ATP2C2: variants seen among roughly 807,000 people sequenced by gnomAD.
ATP2C2 encodes calcium-transporting ATPase type 2C member 2.
In ATP2C2, 171 loss-of-function variants were observed where a neutral mutation model predicts 110.8. The observed-to-expected ratio is 1.54, with a 90% CI of 1.36 to 1.75. ATP2C2 has a LOEUF of 1.75. ATP2C2 is among the 40% of genes most tolerant of loss of function. The pLI is 0.00. For missense variants in ATP2C2, 1,963 were observed against 1,235.0 expected (o/e 1.59, Z -8.84); for synonymous variants, 804 against 508.4 (o/e 1.58, Z -7.82).
intron 10 of ATP2C2, among the ~76,000 whole-genome samples, chr16:84,424,774 A>T (rs781322266): frequency 3.3e-5 from 5 of 152,076 alleles, no homozygotes; most frequent in Non-Finnish European, 5.9e-5. Flanking sequence ...GGCCGTTTTC[A>T]AGCTACTAAT....
rs1333723052 is a variant in ATP2C2, at chr16:84,425,755, T to C, written c.940T>C (p.Trp314Arg). The C allele has an allele frequency of 4.3e-6, 7 of 1,614,176 alleles. No homozygotes were observed. Among genetic ancestry groups the C allele is most frequent in the Admixed American group, 3.3e-5 (2 of 60,020 alleles). Residue 314 changes from tryptophan to arginine, a missense_variant, in exon 11 of 27, where the codon TGG (tryptophan) becomes CGG (arginine). Coordinates refer to ENST00000262429, the MANE Select transcript of ATP2C2 (RefSeq NM_014861.4). ...CCCAGGTCTCATCATGCTCATTGGC[T>C]GGTCGCAAGGGAAACAACTCCTGAG... ...GIIGLIMLIG[W>R]SQGKQLLSMF...
chr16:84,425,473 G>A (rs1294110561), intron 10 of ATP2C2, among the ~76,000 whole-genome samples: 1 of 152,192 alleles, frequency 6.6e-6, no homozygotes, highest in Non-Finnish European at 1.5e-5. Flanking sequence ...GTAAATGCTT[G>A]CGAACAGTCC....
At chr16:84,390,795 TA>T (rs1339946760) in intron 1 of ATP2C2, among the ~76,000 whole-genome samples, 1 of 152,024 alleles carries the variant, frequency 6.6e-6, no homozygotes, top group African/African-American at 2.4e-5. Flanking sequence ...TTTCATCTTA[TA>T]AAAAGCTTTA....
At chr16:84,383,315 T>A (rs1567685943) in intron 1 of ATP2C2, among the ~76,000 whole-genome samples, 4 of 152,190 alleles carry the variant, frequency 2.6e-5, no homozygotes, top group Admixed American at 2.0e-4. Context: ...TGCCGTGACC[T>A]TGGGCAAAGC....
At chr16:84,379,302 G>A (rs1910436637) in intron 1 of ATP2C2, among the ~76,000 whole-genome samples, 1 of 151,868 alleles carries the variant, frequency 6.6e-6, no homozygotes, top group South Asian at 2.1e-4. Flanking sequence ...CCCACCTCCC[G>A]AATAGCTGGG....
rs753995850 is a variant in ATP2C2, at chr16:84,405,095, A to G, written c.211-33A>G. 8.2e-6 allele frequency: 13 copies of G among 1,577,704 alleles called. No individual in the cohort carries two copies. In the South Asian group the frequency reaches 1.0e-4, roughly 12 times the overall value. Reference sequence around the variant, plus strand: ...TGTTGCCTCATTCCTTGCTGCGCCCATGAGTGAGCTTGTGCCTGACCTCTC... The same window carrying G: ...TGTTGCCTCATTCCTTGCTGCGCCCGTGAGTGAGCTTGTGCCTGACCTCTC... On this transcript the variant is annotated intron_variant, in intron 2 of 26. Transcript: ENST00000262429.
chr16:84,372,082 C>A (rs562364292), intron 1 of ATP2C2, among the ~76,000 whole-genome samples: 1 of 151,996 alleles, frequency 6.6e-6, no homozygotes, highest in African/African-American at 2.4e-5. Flanking sequence ...GAGGTAGAGG[C>A]GTTGGGGTTG....
At chr16:84,371,539 C>A (rs747298841) in intron 1 of ATP2C2, among the ~76,000 whole-genome samples, 2 of 152,166 alleles carry the variant, frequency 1.3e-5, no homozygotes, top group Non-Finnish European at 2.9e-5. Context: ...CTTTGAGAGG[C>A]CTCCTTAATT....
At position 84,460,016 on chromosome 16, in the gene ATP2C2, A is replaced by C; in HGVS notation, c.2333+630A>C. ...CTGGCCACGTGTGCGTAACCGTATG[A>C]GCACAGAGCCAGTGCTTCCGCTGGA... On this transcript the variant is annotated intron_variant, in intron 23 of 26. Transcript: ENST00000262429. 3 of 224,852 alleles carry C rather than the reference A, an allele frequency of 1.3e-5. No individual in the cohort carries two copies. In the South Asian group the frequency reaches 2.2e-4, roughly 16 times the overall value. 13.9% of individuals were successfully genotyped at this position (224,852 alleles called of 1,614,324 possible). A position where few individuals can be genotyped will look rare whatever the true frequency, so the allele number is the denominator to read the frequency against.
At chr16:84,372,119 G>T (rs892995398) in intron 1 of ATP2C2, among the ~76,000 whole-genome samples, 7 of 152,302 alleles carry the variant, frequency 4.6e-5, no homozygotes, top group Admixed American at 2.0e-4. Flanking sequence ...GAGGAGGGTC[G>T]TACGGAGCCT....
chr16:84,459,010 A>C (rs1910970416), intron 21 of ATP2C2, 110 bp from the exon 22 acceptor site: 3 of 1,202,698 alleles, frequency 2.5e-6, no homozygotes, highest in Non-Finnish European at 3.7e-6. Flanking sequence ...CAGGGGCCCA[A>C]GTATAACATC....
intron 7 of ATP2C2, among the ~76,000 whole-genome samples, chr16:84,416,806 T>C (rs2150534787): frequency 6.6e-6 from 1 of 152,134 alleles, no homozygotes; most frequent in East Asian, 1.9e-4. Context: ...TGACCCCAAG[T>C]CTGGGGTGCA....
Position 84,453,201 on chromosome 16 carries a change from T to C in ATP2C2, c.1895T>C (p.Val632Ala). The change falls in exon 19 of 27, where the codon GTG (valine) becomes GCG (alanine). Residue 632 changes from valine (V) to alanine (A), a missense_variant. Val to Ala is a moderately conservative substitution (Grantham distance 64, BLOSUM62 0). Transcript: ENST00000262429. ...QAMSGEEVDS[V>A]EKGELADRVG... ...ATGTCCGGGGAGGAGGTGGACAGCG[T>C]GGAGAAGGGCGAGCTGGCCGACCGC... 1 of 1,613,688 alleles carries C rather than the reference T, an allele frequency of 6.2e-7. No individual in the cohort carries two copies. Among genetic ancestry groups the C allele is most frequent in the Non-Finnish European group, 8.5e-7 (1 of 1,179,736 alleles).
intron 1 of ATP2C2, among the ~76,000 whole-genome samples, chr16:84,375,920 G>GGGTTT (rs997457614): frequency 3.3e-5 from 5 of 152,100 alleles, no homozygotes; most frequent in African/African-American, 1.2e-4. Flanking sequence ...AAAGGATTGT[G>GGGTTT]GGTTTTTAGG....
intron 11 of ATP2C2, among the ~76,000 whole-genome samples, chr16:84,438,081 T>C (rs1214783556): frequency 6.6e-6 from 1 of 152,234 alleles, no homozygotes; most frequent in African/African-American, 2.4e-5. Flanking sequence ...GGCTAAAGTG[T>C]ATTCTGCTGT....
At chr16:84,386,877 C>G (rs760695993) in intron 1 of ATP2C2, among the ~76,000 whole-genome samples, 1 of 152,092 alleles carries the variant, frequency 6.6e-6, no homozygotes, top group Admixed American at 6.5e-5. Context: ...GATGCCTCCT[C>G]TACCCTGTTG....
chr16:84,460,236 G>A (rs540071216), intron 23 of ATP2C2: 3 of 229,254 alleles, frequency 1.3e-5, no homozygotes, highest in South Asian at 6.3e-5. Context: ...CGCCTGCTGC[G>A]GGTCTAGCCT....
rs1023204085 is a variant in ATP2C2, at chr16:84,430,886, G to A, written c.986+5085G>A. ...CCACTGAAGCCTGATCCAAAGCCGG[G>A]CTCCTTGTCAGCAACCCAACCCCCC... On this transcript the variant is annotated intron_variant, in intron 11 of 26. Coordinates refer to ENST00000262429, the MANE Select transcript of ATP2C2 (RefSeq NM_014861.4). Among the ~76,000 whole-genome samples the A allele has an allele frequency of 2.6e-5, 4 of 152,050 alleles. No individual in the cohort carries two copies. In the East Asian group the frequency reaches 7.7e-4, roughly 29 times the overall value.
chr16:84,454,795 T>G, intron 20 of ATP2C2, 23 bp from the exon 21 acceptor site: 1 of 1,563,490 alleles, frequency 6.4e-7, no homozygotes, highest in Admixed American at 2.0e-5. Flanking sequence ...GCTGCAGGCC[T>G]TCATTGCCTG....
Sources: allele counts gnomAD v4.1 joint callset (sites outside exome capture counted in the v4.1 genomes callset), GRCh38; gene constraint gnomAD v4.1.1; transcripts MANE v1.5; gene names NCBI Gene and HGNC (gene_info 2026-07-23, HGNC 2026-07-21).